The following USH2A variants were observed in gnomAD, a reference collection of about 807,000 sequenced individuals.
USH2A encodes usherin.
In USH2A, 443 loss-of-function variants were observed where a neutral mutation model predicts 538.9. That is an observed-to-expected ratio of 0.82 (90% confidence interval 0.76 to 0.89). USH2A has a LOEUF of 0.89. Among genes scored for constraint, USH2A ranks in the 40% least tolerant of loss-of-function variants. The pLI is 0.00. For synonymous variants in USH2A, 2,413 were observed against 2,273.5 expected (o/e 1.06, Z -1.75); for missense variants, 6,633 against 6,324.8 (o/e 1.05, Z -1.65).
chr1:216,266,365 C>T (rs2036473439), intron 11 of USH2A, among the ~76,000 whole-genome samples: 1 of 152,074 alleles, frequency 6.6e-6, no homozygotes, highest in East Asian at 1.9e-4. Context: ...AATATCACTG[C>T]AGTATTCTGC....
At chr1:215,901,495 CT>C (rs34205489) in intron 38 of USH2A, 2 of 160,236 alleles carry the variant, frequency 1.2e-5, no homozygotes, top group East Asian at 1.8e-4. Flanking sequence ...AAAAAGTAAA[CT>C]TTTTTCCCTA....
chr1:215,769,642 T>C (rs959780911), intron 55 of USH2A, among the ~76,000 whole-genome samples: 4 of 152,040 alleles, frequency 2.6e-5, no homozygotes, highest in African/African-American at 9.7e-5. Context: ...TTAGATGGGA[T>C]AGGTTCACCT....
In USH2A at chr1:216,009,771, T is replaced by C. The variant is rs942563642; in HGVS notation, c.6326-9209A>G. Among the ~76,000 whole-genome samples the C allele has an allele frequency of 2.4e-4, 37 of 152,210 alleles. No individual in the cohort carries two copies. In the South Asian group the frequency reaches 2.5e-3, roughly 10 times the overall value. ...TAATCCTTTTATCACCTCCCCTCCT[T>C]ACACCCAGTCCGGCTTACAGTTTCG... On this transcript the variant is annotated intron_variant, in intron 32 of 71. Transcript: ENST00000307340.
chr1:216,137,822 C>A (rs933092136), intron 21 of USH2A, among the ~76,000 whole-genome samples: 1 of 152,110 alleles, frequency 6.6e-6, no homozygotes, highest in African/African-American at 2.4e-5. Flanking sequence ...ATCCTTAAAT[C>A]CAATCAAGTT....
At chr1:216,378,387 A>T (rs2038874846) in intron 3 of USH2A, among the ~76,000 whole-genome samples, 1 of 152,156 alleles carries the variant, frequency 6.6e-6, no homozygotes, top group Non-Finnish European at 1.5e-5. Context: ...ATGTAAATAT[A>T]ATCAAGGTAG....
chr1:215,867,522 C>T (rs1664506450), intron 43 of USH2A, among the ~76,000 whole-genome samples: 1 of 152,234 alleles, frequency 6.6e-6, no homozygotes, highest in Non-Finnish European at 1.5e-5. Flanking sequence ...ACAAATCAGG[C>T]AACCTGCCAG....
chr1:215,627,437 C>CTTCCTTCCTTCCTTCTTTCCTTCCTTCT (rs1656085050), intron 71 of USH2A, among the ~76,000 whole-genome samples: 2 of 50,766 alleles, frequency 3.9e-5, no homozygotes, highest in African/African-American at 1.3e-4. Context: ...TCCTTCCTTC[C>CTTCCTTCCTTCCTTCTTTCCTTCCTTCT]TTCCTTCCTT....
chr1:216,387,123 C>A (rs556062049), intron 3 of USH2A, among the ~76,000 whole-genome samples: 12 of 152,166 alleles, frequency 7.9e-5, no homozygotes, highest in Non-Finnish European at 1.8e-4. Context: ...CTTTATACAT[C>A]TTTGAAGTAA....
At chr1:216,163,590 G>C (rs1234555156) in intron 21 of USH2A, among the ~76,000 whole-genome samples, 1 of 151,958 alleles carries the variant, frequency 6.6e-6, no homozygotes, top group Non-Finnish European at 1.5e-5. Flanking sequence ...GACTCTGGTT[G>C]ATGTGATCTT....
At chr1:215,825,583 A>G (rs973430832) in intron 47 of USH2A, among the ~76,000 whole-genome samples, 1 of 152,174 alleles carries the variant, frequency 6.6e-6, no homozygotes, top group Non-Finnish European at 1.5e-5. Flanking sequence ...AAATCTTCAT[A>G]CACTCTAAGA....
In USH2A at chr1:215,675,001, C is replaced by T. The variant is rs1657961774; in HGVS notation, c.12910G>A (p.Glu4304Lys). The change falls in exon 63 of 72, where the codon GAA (glutamate) becomes AAA (lysine). Residue 4304 changes from glutamate to lysine, a missense_variant. Glu to Lys is a moderately conservative substitution (Grantham distance 56, BLOSUM62 1). Transcript: ENST00000307340. ...IIQSYRLQRN[E>K]MLYPFSFDPV... ...TCAAAGCTAAAAGGATAGAGCATTT[C>T]ATTCCTTTGAAGCCTATAGGACTGG... The T allele has an allele frequency of 5.6e-6, 9 of 1,614,196 alleles. No homozygotes were observed. Among genetic ancestry groups the T allele is most frequent in the Middle Eastern group, 3.3e-4 (2 of 6,062 alleles).
At chr1:215,738,084 C>T (rs1183926852) in intron 60 of USH2A, among the ~76,000 whole-genome samples, 1 of 151,946 alleles carries the variant, frequency 6.6e-6, no homozygotes, top group Non-Finnish European at 1.5e-5. Context: ...AATTAAAGCA[C>T]CTAGTGGGAG....
At chr1:215,790,401 C>G in intron 50 of USH2A, 119 bp from the exon 51 acceptor site, 1 of 1,048,488 alleles carries the variant, frequency 9.5e-7, no homozygotes, top group Middle Eastern at 2.2e-4. Flanking sequence ...GGTGCAATAC[C>G]TAAGGTAGCA....
At chr1:216,167,084 C>T (rs1034760311) in intron 21 of USH2A, among the ~76,000 whole-genome samples, 15 of 151,994 alleles carry the variant, frequency 9.9e-5, no homozygotes, top group African/African-American at 2.7e-4. Flanking sequence ...TCCAAACAAA[C>T]GGCCTATGGC....
intron 4 of USH2A, among the ~76,000 whole-genome samples, chr1:216,333,695 A>G (rs2037913419): frequency 6.8e-6 from 1 of 146,738 alleles, no homozygotes; most frequent in African/African-American, 2.7e-5. Flanking sequence ...AGACAAAGAG[A>G]AAATCTTGAA....
intron 47 of USH2A, among the ~76,000 whole-genome samples, chr1:215,819,655 T>C (rs1476989619): frequency 6.6e-6 from 1 of 151,794 alleles, no homozygotes; most frequent in African/African-American, 2.4e-5. Flanking sequence ...ATTCAAGAGT[T>C]TGACTTATCC....
In USH2A at chr1:215,813,833, A is replaced by G; in HGVS notation, c.9642T>C (p.Phe3214=). The part of the protein sequence containing the change: ...HRCCEEKYIP[F]VLNSTGVCCG... ...AACAAACTCCAGTAGAATTCAGAAC[A>G]AACGGGATATACTTTTCTTCACAAC... The change falls in exon 49 of 72, where the codon TTT becomes TTC. Residue 3214 remains phenylalanine, a synonymous_variant. Coordinates refer to ENST00000307340, the MANE Select transcript of USH2A (RefSeq NM_206933.4). The G allele has an allele frequency of 6.2e-7, 1 of 1,614,004 alleles. No homozygotes were observed. The highest frequency in any genetic ancestry group is 8.5e-7 in the Non-Finnish European group (1 of 1,179,888).
chr1:215,667,096 A>C (rs1657629502), intron 64 of USH2A, among the ~76,000 whole-genome samples: 1 of 152,130 alleles, frequency 6.6e-6, no homozygotes, highest in African/African-American at 2.4e-5. Flanking sequence ...TCTCAAAAAA[A>C]GAAAAAAAAT....
At chr1:216,151,786 A>G (rs1007681590) in intron 21 of USH2A, among the ~76,000 whole-genome samples, 5 of 152,208 alleles carry the variant, frequency 3.3e-5, no homozygotes, top group Non-Finnish European at 7.3e-5. Flanking sequence ...ACTCAAGGAT[A>G]GAGCCCAAAA....
Sources: gnomAD v4.1 joint callset for allele counts (sites outside exome capture counted in the v4.1 genomes callset) on GRCh38, gnomAD v4.1.1 for gene constraint, MANE v1.5 for transcripts, NCBI Gene and HGNC (gene_info 2026-07-23, HGNC 2026-07-21) for gene names.